OTUD7A: variants seen among roughly 807,000 people sequenced by gnomAD.
OTUD7A encodes the protein OTU domain-containing protein 7A.
A neutral mutation model predicts 65.7 loss-of-function variants in OTUD7A; 12 were observed. The ratio of observed to expected loss-of-function variants is 0.18; its 90% CI spans 0.12 to 0.30. The LOEUF is 0.30. OTUD7A is among the 10% of genes least tolerant of loss of function. The probability of loss-of-function intolerance (pLI) is 1.00; values close to 1 mark genes in which losing one functional copy is unlikely to be tolerated. For synonymous variants in OTUD7A, 641 were observed against 586.3 expected, an observed-to-expected ratio of 1.09 and a Z score of -1.35; for missense variants, 1,148 against 1,304.8, an observed-to-expected ratio of 0.88 and a Z score of 1.85.
At chr15:31,865,850 A>C (rs1897863173) in intron 1 of OTUD7A, among the ~76,000 whole-genome samples, 1 of 152,246 alleles carries the variant, frequency 6.6e-6, no homozygotes, top group Non-Finnish European at 1.5e-5. Flanking sequence ...GAAACGCTGA[A>C]CAGACAAGGA....
At chr15:31,620,062 A>G (rs1044629368) in intron 3 of OTUD7A, among the ~76,000 whole-genome samples, 1 of 152,168 alleles carries the variant, frequency 6.6e-6, no homozygotes, top group African/African-American at 2.4e-5. Flanking sequence ...TATATGCTGG[A>G]TTACATTTAT....
chr15:31,830,581 A>G (rs1044359321), intron 1 of OTUD7A, among the ~76,000 whole-genome samples: 2 of 152,240 alleles, frequency 1.3e-5, no homozygotes, highest in African/African-American at 2.4e-5. Flanking sequence ...TTGGAGCTAC[A>G]TCTTTTTTCT....
intron 1 of OTUD7A, among the ~76,000 whole-genome samples, chr15:31,682,423 G>A (rs568047383): frequency 1.3e-5 from 2 of 152,220 alleles, no homozygotes; most frequent in East Asian, 3.9e-4. Context: ...AACTAGATTA[G>A]CCAAAACAAC....
At chr15:31,678,932 C>T (rs1892652338) in intron 1 of OTUD7A, among the ~76,000 whole-genome samples, 1 of 152,310 alleles carries the variant, frequency 6.6e-6, no homozygotes, top group South Asian at 2.1e-4. Context: ...CGCAGACACT[C>T]AACACAAGCC....
rs117849859 is a variant in OTUD7A, at chr15:31,798,725, C to G, written c.-100+71782G>C. On this transcript the variant is annotated intron_variant, in intron 1 of 12. Coordinates refer to ENST00000307050, the MANE Select transcript of OTUD7A (RefSeq NM_001382637.1). ...AGGACAGCTGACCCTTATAACAGAG[C>G]AAACAGCAGGGCATCAGCTACGTTG... Among the ~76,000 whole-genome samples, 1,359 of 152,314 alleles carry G rather than the reference C, an allele frequency of 8.9e-3. 41 individuals carry two copies. The highest frequency in any genetic ancestry group is 0.059 in the Admixed American group (902 of 15,302).
At chr15:31,647,119 A>C (rs1891698036) in intron 3 of OTUD7A, among the ~76,000 whole-genome samples, 1 of 152,184 alleles carries the variant, frequency 6.6e-6, no homozygotes, top group African/African-American at 2.4e-5. Context: ...GGACACTTGG[A>C]AGGGCAGCCA....
intron 1 of OTUD7A, among the ~76,000 whole-genome samples, chr15:31,717,101 T>G (rs1893609140): frequency 6.6e-6 from 1 of 152,218 alleles, no homozygotes; most frequent in Non-Finnish European, 1.5e-5. Context: ...CTATTCAGGT[T>G]TCATCCATTG....
chr15:31,589,548 C>T (rs1460281295), intron 3 of OTUD7A, among the ~76,000 whole-genome samples: 1 of 150,082 alleles, frequency 6.7e-6, no homozygotes, highest in Admixed American at 6.7e-5. Context: ...AGGGATCTGC[C>T]TACCTCGGCC....
At chr15:31,840,392 C>T (rs1271151562) in intron 1 of OTUD7A, among the ~76,000 whole-genome samples, 3 of 151,936 alleles carry the variant, frequency 2.0e-5, no homozygotes, top group Non-Finnish European at 2.9e-5. Context: ...GAGCTGAGAT[C>T]GCACCACTGC....
chr15:31,776,092 G>A (rs761321453), intron 1 of OTUD7A, among the ~76,000 whole-genome samples: 4 of 152,310 alleles, frequency 2.6e-5, no homozygotes, highest in South Asian at 2.1e-4. Context: ...CTGCAGAGGC[G>A]CCCCGTCATT....
intron 3 of OTUD7A, among the ~76,000 whole-genome samples, chr15:31,616,609 A>G (rs1235141697): frequency 6.6e-6 from 1 of 152,056 alleles, no homozygotes; most frequent in Admixed American, 6.6e-5. Context: ...CAGTGGCGCA[A>G]TCTTGGCTCA....
intron 3 of OTUD7A, among the ~76,000 whole-genome samples, chr15:31,653,628 T>C (rs1305043746): frequency 6.7e-6 from 1 of 149,520 alleles, no homozygotes; most frequent in East Asian, 2.0e-4. Context: ...ATAAAAGACA[T>C]CAGGACAGAG....
intron 1 of OTUD7A, among the ~76,000 whole-genome samples, chr15:31,686,056 A>G (rs1046952860): frequency 3.9e-5 from 6 of 152,344 alleles, no homozygotes; most frequent in Non-Finnish European, 8.8e-5. Context: ...TTTGAAGAGT[A>G]AGACCCAAAA....
At chr15:31,740,191 G>C (rs1894302263) in intron 1 of OTUD7A, among the ~76,000 whole-genome samples, 1 of 152,162 alleles carries the variant, frequency 6.6e-6, no homozygotes, top group African/African-American at 2.4e-5. Flanking sequence ...TGACTTGAGT[G>C]CCTGGCAGGG....
chr15:31,764,101 T>C (rs1595753601), intron 1 of OTUD7A, among the ~76,000 whole-genome samples: 1 of 152,292 alleles, frequency 6.6e-6, no homozygotes, highest in Admixed American at 6.5e-5. Context: ...ACAGAAATGG[T>C]ACATATATGG....
At chr15:31,506,677 CGAGCTTTTGGAAAAAGCATTTTTTAA>C (rs1372960377) in intron 8 of OTUD7A, among the ~76,000 whole-genome samples, 1 of 151,940 alleles carries the variant, frequency 6.6e-6, no homozygotes, top group African/African-American at 2.4e-5. Context: ...GATTGATGGG[CGAGCTTTTGGAAAAAGCATTTTTTAA>C]ATGCTTTTAA....
chr15:31,720,056 T>TA (rs935145838), intron 1 of OTUD7A, among the ~76,000 whole-genome samples: 47 of 152,322 alleles, frequency 3.1e-4, no homozygotes, highest in African/African-American at 1.0e-3. Flanking sequence ...ACAGAATAAT[T>TA]AAGAAATTCA....
intron 1 of OTUD7A, among the ~76,000 whole-genome samples, chr15:31,747,295 A>T (rs544502651): frequency 3.3e-5 from 5 of 152,352 alleles, no homozygotes; most frequent in African/African-American, 1.2e-4. Flanking sequence ...AGCAATGAGC[A>T]CATCCAGCAC....
intron 1 of OTUD7A, among the ~76,000 whole-genome samples, chr15:31,851,867 G>C (rs1897435282): frequency 6.6e-6 from 1 of 152,134 alleles, no homozygotes; most frequent in Non-Finnish European, 1.5e-5. Flanking sequence ...GTTTTGTTTT[G>C]TTTTGTTTTG....
Sources: allele counts gnomAD v4.1 joint callset (sites outside exome capture counted in the v4.1 genomes callset), GRCh38; gene constraint gnomAD v4.1.1; transcripts MANE v1.5; gene names NCBI Gene and HGNC (gene_info 2026-07-23, HGNC 2026-07-21).